The following PIDD1 variants were observed in gnomAD, a reference collection of about 807,000 sequenced individuals.
PIDD1 encodes p53-induced death domain protein 1.
A neutral mutation model predicts 80.0 loss-of-function variants in PIDD1; 72 were observed. The observed-to-expected ratio is 0.90, with a 90% confidence interval of 0.74 to 1.09. The LOEUF (loss-of-function observed/expected upper bound fraction) is 1.09. Ranked by LOEUF, PIDD1 falls within the 50% of genes least tolerant of loss-of-function variation. The pLI is 0.00. For missense variants in PIDD1, 1,329 were observed against 1,228.3 expected (o/e 1.08, Z -1.23); for synonymous variants, 655 against 543.5 (o/e 1.21, Z -2.85).
Position 803,189 on chromosome 11 carries a change from G to T in PIDD1, c.694C>A (p.Leu232Ile). Reference protein sequence around the residue: ...LNLASNRLQSLPASLAGLRSL... With the variant: ...LNLASNRLQSIPASLAGLRSL... ...GGCTACTCACCCAGAGAGGCTGGGAGGCTCTGCAGCCGGTTGGAGGCCAGG... is the reference window on the plus strand; with the variant it reads ...GGCTACTCACCCAGAGAGGCTGGGATGCTCTGCAGCCGGTTGGAGGCCAGG... The change falls in exon 3 of 16, where the codon CTC becomes ATC. Residue 232 changes from leucine to isoleucine, a missense_variant. Coordinates refer to ENST00000347755, the MANE Select transcript of PIDD1 (RefSeq NM_145886.4). 1 of 1,606,838 alleles carries T rather than the reference G, an allele frequency of 6.2e-7. No individual in the cohort carries two copies. The highest frequency in any genetic ancestry group is 8.5e-7 in the Non-Finnish European group (1 of 1,177,544).
rs371449064 is a variant in PIDD1 at position 800,439 on chromosome 11, C to T, written c.2054G>A (p.Cys685Tyr). 1 of 1,612,586 alleles carries T rather than the reference C, an allele frequency of 6.2e-7. No individual in the cohort carries two copies. The highest frequency in any genetic ancestry group is 1.1e-5 in the South Asian group (1 of 91,084). Residue 685 changes from cysteine to tyrosine, a missense_variant, in exon 13 of 16, where the codon TGT becomes TAT. Coordinates refer to ENST00000347755, the MANE Select transcript of PIDD1 (RefSeq NM_145886.4). ...GIDVDADRPD[C>Y]VEGRICFVFY... ...GACAAAGCAGATTCTGCCCTCCACA[C>T]AGTCAGGGCGGTCTAGGGGACAGGG...
rs61748610 is a variant in PIDD1, at chr11:804,366, G to A, written c.23C>T (p.Pro8Leu). 8,020 of 1,601,142 alleles carry A rather than the reference G, an allele frequency of 5.0e-3. 350 individuals are homozygous for A. The African/African-American group carries it at 0.092, about 18-fold the overall frequency. ...TGCGGCAGCAGCTGCCTCCAGCTCT[G>A]GCCCCTCCACCGTTGCAGCCATCGC... is the stretch of plus-strand genomic sequence containing the variant. MAATVEG[P>L]ELEAAAAAGD... is the part of the protein sequence containing the mutation. The change falls in exon 2 of 16, where the codon CCA (proline) becomes CTA (leucine). Residue 8 changes from proline to leucine, a missense_variant. Coordinates refer to ENST00000347755, the MANE Select transcript of PIDD1 (RefSeq NM_145886.4).
intron 2 of PIDD1, 132 bp from the exon 3 acceptor site, chr11:803,719 A>T (rs1282746086): frequency 1.1e-5 from 11 of 1,010,536 alleles, no homozygotes; most frequent in Non-Finnish European, 1.3e-5. Flanking sequence ...CCAGACAGGG[A>T]CAGACAGACA....
chr11:804,459 G>T lies in PIDD1; in HGVS notation c.-71C>A. 6.6e-7 allele frequency: 1 copy of T among 1,505,464 alleles called. No homozygotes were observed. Among genetic ancestry groups the T allele is most frequent in the South Asian group, 1.3e-5 (1 of 75,960 alleles). 93.3% of individuals were successfully genotyped at this position (1,505,464 alleles called of 1,614,324 possible). On this transcript the variant is annotated 5_prime_UTR_variant, in exon 2 of 16. Transcript: ENST00000347755. ...GCAGGCCTGTCCAGGCAGCGCCCGG[G>T]GAAGCTGCAGAGGCAGGAGGAGGAG...
rs757832682 is a variant in PIDD1, at chr11:802,367, A to T, written c.1004T>A (p.Val335Glu). The change falls in exon 6 of 16, where the codon GTG becomes GAG. Residue 335 changes from valine (V) to glutamate (E), a missense_variant. Coordinates refer to ENST00000347755, the MANE Select transcript of PIDD1 (RefSeq NM_145886.4). ...SFPVTPQGCSVTLACGVRLQF... is the reference protein window; with the variant it reads ...SFPVTPQGCSETLACGVRLQF... Reference sequence around the variant, plus strand: ...CAGGCGGACGCCACAGGCCAGGGTCACTGAGCAGCCTTGAGGGGTCACAGG... The same window carrying T: ...CAGGCGGACGCCACAGGCCAGGGTCTCTGAGCAGCCTTGAGGGGTCACAGG... The T allele has an allele frequency of 6.2e-7, 1 of 1,612,118 alleles. No individual in the cohort carries two copies. The highest frequency in any genetic ancestry group is 2.2e-5 in the East Asian group (1 of 44,892).
In PIDD1 at chr11:803,580, T is replaced by C; in HGVS notation, c.303A>G (p.Gln101=). The stretch of plus-strand genomic sequence containing the variant: ...GACAGGCACCCAGTGTGTCCCGGCG[T>C]TGCCCTCCTGGGAAGGGGGGAGGCG... ...CLRSLVLKGG[Q]RRDTLGACLR... Residue 101 remains glutamine, a synonymous_variant, in exon 3 of 16, where the codon CAA becomes CAG. Coordinates refer to ENST00000347755, the MANE Select transcript of PIDD1 (RefSeq NM_145886.4). The C allele has an allele frequency of 3.7e-6, 6 of 1,606,838 alleles. No individual in the cohort carries two copies. Among genetic ancestry groups the C allele is most frequent in the Non-Finnish European group, 5.1e-6 (6 of 1,176,310 alleles).
Position 799,797 on chromosome 11 carries a change from G to C in PIDD1, c.2474+18C>G, listed in dbSNP as rs139616380. 4.9e-4 allele frequency: 743 copies of C among 1,531,378 alleles called. 1 individual carries two copies. The highest frequency in any genetic ancestry group is 1.7e-3 in the Middle Eastern group (9 of 5,400). 94.9% of individuals were successfully genotyped at this position (1,531,378 alleles called of 1,614,324 possible). On this transcript the variant is annotated intron_variant, in intron 15 of 15. Transcript: ENST00000347755. ...CTCAGCCCTGGGGCTGGCAGCCAGC[G>C]GGCAGTGGGAGCCTCACCGGAACTC...
At position 802,532 on chromosome 11, in the gene PIDD1, C is replaced by T; in HGVS notation, c.974+11G>A. On this transcript the variant is annotated intron_variant, in intron 5 of 15. Transcript: ENST00000347755. The stretch of plus-strand genomic sequence containing the variant: ...CAGACTCCCCTCCAGCCCCCTCAAC[C>T]CACCCCATACCTGTCCAAATCTGAG... 1.2e-6 allele frequency: 2 copies of T among 1,612,980 alleles called. No homozygotes were observed. The highest frequency in any genetic ancestry group is 1.7e-6 in the Non-Finnish European group (2 of 1,179,472).
chr11:803,496 GTGGGCCAGA>G lies in PIDD1; in HGVS notation c.378_386del (p.Ala128_Leu130del), dbSNP rs779144373. On this transcript the variant is annotated inframe_deletion, in exon 3 of 16. Coordinates refer to ENST00000347755, the MANE Select transcript of PIDD1 (RefSeq NM_145886.4). ...CCAGGCTGTTGAAGCTCAGGTCCAG[GTGGGCCAGA>G]TGGGCCAGGCCACTCAGACCAGCGG... is the stretch of plus-strand genomic sequence containing the variant. 36 of 1,613,642 alleles carry G rather than the reference GTGGGCCAGA, an allele frequency of 2.2e-5. 2 individuals carry two copies. In the South Asian group the frequency reaches 3.1e-4, roughly 14 times the overall value.
chr11:799,790 AGCCAGCGGGCAGT>A lies in PIDD1; in HGVS notation c.2474+12_2474+24del. 1 of 1,515,760 alleles carries A rather than the reference AGCCAGCGGGCAGT, an allele frequency of 6.6e-7. No homozygotes were observed. Among genetic ancestry groups the A allele is most frequent in the African/African-American group, 1.4e-5 (1 of 73,034 alleles). The allele number at this position is 1,515,760 out of a possible 1,614,324, so 93.9% of individuals were successfully genotyped here. The stretch of plus-strand genomic sequence containing the variant: ...GCCAGGGCTCAGCCCTGGGGCTGGC[AGCCAGCGGGCAGT>A]GGGAGCCTCACCGGAACTCGTGCCG... On this transcript the variant is annotated intron_variant, in intron 15 of 15. Coordinates refer to ENST00000347755, the MANE Select transcript of PIDD1 (RefSeq NM_145886.4).
chr11:799,774 C>T, intron 15 of PIDD1, 41 bp downstream of exon 15: 1 of 1,466,690 alleles, frequency 6.8e-7, no homozygotes, highest in East Asian at 2.4e-5. Context: ...AGCCAGGGCT[C>T]AGCCCTGGGG....
upstream of PIDD1, among the ~76,000 whole-genome samples, chr11:806,749 ATT>A (rs1275917162): frequency 6.6e-6 from 1 of 151,464 alleles, no homozygotes; most frequent in East Asian, 1.9e-4. Context: ...CGCCCGGCTA[ATT>A]TTTTTGTATT....
At chr11:799,604 CCTGCCCAGGACCCCCCACCACACT>C in intron 15 of PIDD1, 39 bp from the exon 16 acceptor site, 2 of 1,554,024 alleles carry the variant, frequency 1.3e-6, no homozygotes, top group Non-Finnish European at 1.7e-6. Context: ...GTCCTGTCCA[CCTGCCCAGGACCCCCCACCACACT>C]CTGCCTCGGA....
Position 799,901 on chromosome 11 carries a change from A to G in PIDD1, c.2388T>C (p.Ala796=). The change falls in exon 15 of 16, where the codon GCT becomes GCC. Residue 796 remains alanine, a synonymous_variant. Transcript: ENST00000347755. ...FLTQSNLLSV[A]GRLGLDWPAV... ...CTGGCCAGTCCAGACCCAGACGCCC[A>G]GCCACACTCAGCAGGTTGCTCTGCG... 6.2e-7 allele frequency: 1 copy of G among 1,612,474 alleles called. No homozygotes were observed. Among genetic ancestry groups the G allele is most frequent in the African/African-American group, 1.3e-5 (1 of 75,040 alleles).
rs757151560 is a variant in PIDD1 at position 802,896 on chromosome 11, G to A, written c.710-5C>T. 1.9e-5 allele frequency: 29 copies of A among 1,556,754 alleles called. No individual in the cohort carries two copies. The highest frequency in any genetic ancestry group is 1.7e-4 in the East Asian group (7 of 41,778). ...GCCGCAAGGACCGAAGTCCCGCTGCGGGCAGTTGCTGGCTTAGGCTTGGCA... is the reference window on the plus strand; with the variant it reads ...GCCGCAAGGACCGAAGTCCCGCTGCAGGCAGTTGCTGGCTTAGGCTTGGCA... On this transcript the variant is annotated splice_polypyrimidine_tract_variant and splice_region_variant and intron_variant, in intron 3 of 15. Coordinates refer to ENST00000347755, the MANE Select transcript of PIDD1 (RefSeq NM_145886.4).
At chr11:808,254 C>T (rs1865881782), upstream of PIDD1, among the ~76,000 whole-genome samples, 1 of 151,646 alleles carries the variant, frequency 6.6e-6, no homozygotes, top group African/African-American at 2.4e-5. Context: ...TGGTGAAACC[C>T]CGTCTGTACT....
Position 801,546 on chromosome 11 carries a change from C to G in PIDD1, c.1381G>C (p.Val461Leu). ...CACAGCAGTGTCCCCTCCGGTGGCA[C>G]CAGGCAGGCATTGGACACAGGGCGG... ...VSRPVSNACLVPPEGTLLCSS... is the reference protein window; with the variant it reads ...VSRPVSNACLLPPEGTLLCSS... The change falls in exon 8 of 16, where the codon GTG (valine) becomes CTG (leucine). Residue 461 changes from valine (V) to leucine (L), a missense_variant. Val to Leu is a conservative substitution (Grantham distance 32). Coordinates refer to ENST00000347755, the MANE Select transcript of PIDD1 (RefSeq NM_145886.4). The G allele has an allele frequency of 6.4e-7, 1 of 1,567,958 alleles. No individual in the cohort carries two copies. The highest frequency in any genetic ancestry group is 8.6e-7 in the Non-Finnish European group (1 of 1,156,454).
rs577701934 is a variant in PIDD1 at position 799,989 on chromosome 11, C to T, written c.2300G>A (p.Arg767Gln). ...TGCCAAGGAGAGGCCAGCCCCCCGC[C>T]GTGGCCCCTCGGACCCTCGAAGTCT... is the stretch of plus-strand genomic sequence containing the variant. ...LPRLRGSEGPRRGAGLSLAPL... is the reference protein window; with the variant it reads ...LPRLRGSEGPQRGAGLSLAPL... The change falls in exon 15 of 16, where the codon CGG (arginine) becomes CAG (glutamine). Residue 767 changes from arginine (R) to glutamine (Q), a missense_variant. Coordinates refer to ENST00000347755, the MANE Select transcript of PIDD1 (RefSeq NM_145886.4). The T allele has an allele frequency of 1.2e-4, 193 of 1,612,710 alleles. No individual in the cohort carries two copies. Among genetic ancestry groups the T allele is most frequent in the Middle Eastern group, 1.6e-4 (1 of 6,084 alleles).
chr11:804,441 T>C lies in PIDD1; in HGVS notation c.-53A>G. ...ACATGTCCCAGCACGCAGGCAGGCC[T>C]GTCCAGGCAGCGCCCGGGGAAGCTG... On this transcript the variant is annotated 5_prime_UTR_variant, in exon 2 of 16. Coordinates refer to ENST00000347755, the MANE Select transcript of PIDD1 (RefSeq NM_145886.4). The C allele has an allele frequency of 6.6e-7, 1 of 1,526,272 alleles. No homozygotes were observed. The highest frequency in any genetic ancestry group is 8.8e-7 in the Non-Finnish European group (1 of 1,139,910). The allele number at this position is 1,526,272 out of a possible 1,614,324, so 94.5% of individuals were successfully genotyped here. A position where few individuals can be genotyped will look rare whatever the true frequency, so the allele number is the denominator to read the frequency against.
Sources: allele counts gnomAD v4.1 joint callset (sites outside exome capture counted in the v4.1 genomes callset), GRCh38; gene constraint gnomAD v4.1.1; transcripts MANE v1.5; gene names NCBI Gene and HGNC (gene_info 2026-07-23, HGNC 2026-07-21).